The following CAST variants were observed in gnomAD, a reference collection of about 807,000 sequenced individuals.
The protein encoded by CAST is calpastatin, also known as MIR583 host.
CAST carries 76 observed loss-of-function variants against 119.6 expected under a neutral mutation model. The ratio of observed to expected loss-of-function variants is 0.64; its 90% confidence interval spans 0.53 to 0.77. The LOEUF is 0.77. Ranked by LOEUF, CAST falls within the 30% of genes least tolerant of loss-of-function variation. The pLI is 0.00. For missense variants in CAST, 953 were observed against 946.5 expected (o/e 1.01, Z -0.09); for synonymous variants, 319 against 331.6 (o/e 0.96, Z 0.41).
chr5:96,554,128 G>A (rs1406353809), intron 1 of CAST, among the ~76,000 whole-genome samples: 1 of 152,188 alleles, frequency 6.6e-6, no homozygotes, highest in Non-Finnish European at 1.5e-5. Flanking sequence ...CAAAGCCAGA[G>A]GCATCATGCT....
the CAST span, among the ~76,000 whole-genome samples, chr5:96,194,174 C>T: frequency 7.2e-5 from 11 of 152,196 alleles, no homozygotes; most frequent in African/African-American, 2.7e-4. Context: ...TCTTTGAACC[C>T]TGTTCCCTGA....
the CAST span, among the ~76,000 whole-genome samples, chr5:96,304,695 A>G: frequency 6.6e-6 from 1 of 152,346 alleles, no homozygotes; most frequent in African/African-American, 2.4e-5. Context: ...AAGACCATTC[A>G]TGAAATAGGG....
At chr5:96,732,329 C>T (rs372137559) in intron 9 of CAST, among the ~76,000 whole-genome samples, 41 of 121,744 alleles carry the variant, frequency 3.4e-4, no homozygotes, top group Middle Eastern at 3.8e-3. Context: ...TCATGTCCTT[C>T]GCCCACTTTT....
the CAST span, among the ~76,000 whole-genome samples, chr5:95,977,801 G>A: frequency 2.5e-4 from 38 of 151,856 alleles, 2 homozygotes; most frequent in South Asian, 4.2e-3. Flanking sequence ...CTCCAACCTC[G>A]CACCCTACAC....
intron 1 of CAST, among the ~76,000 whole-genome samples, chr5:96,599,538 T>G (rs1383686067): frequency 1.3e-5 from 2 of 152,138 alleles, no homozygotes; most frequent in African/African-American, 4.8e-5. Context: ...AATACCTCTA[T>G]CCTTCAGTTG....
the CAST span, among the ~76,000 whole-genome samples, chr5:96,312,717 C>G: frequency 6.6e-6 from 1 of 152,058 alleles, no homozygotes; most frequent in African/African-American, 2.4e-5. Context: ...TTGTAGTATT[C>G]AGAATTACTT....
the CAST span, among the ~76,000 whole-genome samples, chr5:96,273,782 G>C: frequency 3.3e-5 from 5 of 152,142 alleles, no homozygotes; most frequent in Admixed American, 2.6e-4. Flanking sequence ...ACACAATGTA[G>C]ATATCTCTTC....
At chr5:96,429,719 T>C in the CAST span, among the ~76,000 whole-genome samples, 1 of 152,210 alleles carries the variant, frequency 6.6e-6, no homozygotes, top group Admixed American at 6.5e-5. Flanking sequence ...CGGTTTTCTG[T>C]TCCTGTGTTA....
intron 2 of CAST, among the ~76,000 whole-genome samples, chr5:96,681,699 C>G (rs888647233): frequency 2.1e-5 from 3 of 140,136 alleles, no homozygotes. Context: ...CGCCACTGCA[C>G]TCCAGCCTGG....
the CAST span, among the ~76,000 whole-genome samples, chr5:96,367,204 C>A: frequency 1.3e-5 from 2 of 152,162 alleles, no homozygotes; most frequent in Admixed American, 6.5e-5. Flanking sequence ...CAGAGGGGTA[C>A]CCGGCCATGT....
At chr5:96,522,506 G>A (rs989958260), upstream of CAST, among the ~76,000 whole-genome samples, 5 of 152,112 alleles carry the variant, frequency 3.3e-5, no homozygotes, top group African/African-American at 1.2e-4. Flanking sequence ...TTGGTAAAAT[G>A]AATGTTGCAC....
chr5:96,382,499 G>C, the CAST span, among the ~76,000 whole-genome samples: 42,032 of 152,014 alleles, frequency 0.28, 5,873 homozygotes, highest in South Asian at 0.32. Context: ...ACTTTCATCT[G>C]ATTTGCACAA....
intron 1 of CAST, among the ~76,000 whole-genome samples, chr5:96,626,065 C>T (rs899255962): frequency 2.6e-5 from 4 of 152,152 alleles, no homozygotes; most frequent in Non-Finnish European, 2.9e-5. Flanking sequence ...TTATCCTCCA[C>T]GGACACTTTC....
the CAST span, among the ~76,000 whole-genome samples, chr5:96,100,618 C>T: frequency 6.6e-6 from 1 of 152,152 alleles, no homozygotes; most frequent in African/African-American, 2.4e-5. Context: ...GGGCAAGTGA[C>T]ATAACCACAC....
chr5:96,646,248 T>A (rs1002091968), intron 1 of CAST, among the ~76,000 whole-genome samples: 3 of 152,242 alleles, frequency 2.0e-5, no homozygotes, highest in Admixed American at 2.0e-4. Context: ...ATCTTTTGAC[T>A]AGATATTCCA....
At chr5:96,635,846 T>C (rs531189369) in intron 1 of CAST, among the ~76,000 whole-genome samples, 3 of 152,364 alleles carry the variant, frequency 2.0e-5, no homozygotes, top group East Asian at 1.9e-4. Context: ...TGGCTCACAA[T>C]AGATAAATTT....
chr5:96,542,777 A>G (rs1011970887), intron 1 of CAST, among the ~76,000 whole-genome samples: 1 of 152,236 alleles, frequency 6.6e-6, no homozygotes, highest in Non-Finnish European at 1.5e-5. Flanking sequence ...TCCAACAAAC[A>G]TACGAAAAAA....
At chr5:96,471,198 T>C in the CAST span, among the ~76,000 whole-genome samples, 1 of 152,128 alleles carries the variant, frequency 6.6e-6, no homozygotes, top group Non-Finnish European at 1.5e-5. Flanking sequence ...CAGACTCATA[T>C]TCTTCAGATA....
chr5:96,568,564 C>CAAAAAAA (rs70981830), intron 1 of CAST, among the ~76,000 whole-genome samples: 4 of 70,910 alleles, frequency 5.6e-5, no homozygotes, highest in African/African-American at 1.2e-4. Context: ...GACTCCATCT[C>CAAAAAAA]AAAAAAAAAA....
Sources: gnomAD v4.1 joint callset for allele counts (sites outside exome capture counted in the v4.1 genomes callset) on GRCh38, gnomAD v4.1.1 for gene constraint, MANE v1.5 for transcripts, NCBI Gene and HGNC (gene_info 2026-07-23, HGNC 2026-07-21) for gene names.